Variants in SLC9A4 observed in about 807,000 individuals in gnomAD.
SLC9A4 encodes solute carrier family 9 member A4.
Under a neutral mutation model 67.4 loss-of-function variants are expected in SLC9A4, and 63 were observed. The ratio of observed to expected loss-of-function variants is 0.93; its 90% CI spans 0.76 to 1.15. The LOEUF is 1.15. Ranked by LOEUF, SLC9A4 falls within the 50% of genes most tolerant of loss-of-function variation. SLC9A4 has a pLI of 0.00. For synonymous variants in SLC9A4, 393 were observed against 367.2 expected (o/e 1.07, Z -0.80); for missense variants, 1,089 against 987.7 (o/e 1.10, Z -1.38).
At chr2:102,477,107 G>T (rs1684350288) in intron 1 of SLC9A4, among the ~76,000 whole-genome samples, 1 of 152,158 alleles carries the variant, frequency 6.6e-6, no homozygotes, top group African/African-American at 2.4e-5. Context: ...GCTCCCCATG[G>T]CCTATGGCTG....
At chr2:102,490,221 G>T (rs555046966) in intron 2 of SLC9A4, among the ~76,000 whole-genome samples, 1 of 152,298 alleles carries the variant, frequency 6.6e-6, no homozygotes, top group East Asian at 1.9e-4. Flanking sequence ...TATGCAAGGC[G>T]ATGAGGAAGA....
intron 1 of SLC9A4, among the ~76,000 whole-genome samples, chr2:102,478,099 A>G (rs1347787312): frequency 6.6e-6 from 1 of 152,196 alleles, no homozygotes; most frequent in East Asian, 1.9e-4. Context: ...GGGAATTGAG[A>G]CAATCAGAGA....
intron 3 of SLC9A4, among the ~76,000 whole-genome samples, chr2:102,504,547 T>A (rs1205906806): frequency 6.6e-6 from 1 of 152,258 alleles, no homozygotes; most frequent in Non-Finnish European, 1.5e-5. Flanking sequence ...TATCTTTGAA[T>A]GAGGCTTCTC....
In SLC9A4 at chr2:102,526,322, G is replaced by A; in HGVS notation, c.2014G>A (p.Asp672Asn). Residue 672 changes from aspartate (D) to asparagine (N), a missense_variant, in exon 11 of 12, where the codon GAC becomes AAC. Physicochemically the swap from Asp to Asn is conservative, Grantham distance 23. Transcript: ENST00000295269. ...CGGGAATCCTCAGTCTGCAGGAAGA[G>A]ACACAAGGGCTGCTGGGTTCTCAGG... ...PYGNPQSAGR[D>N]TRAAGFSDDD... is the part of the protein sequence containing the mutation. The A allele has an allele frequency of 6.2e-7, 1 of 1,613,870 alleles. No homozygotes were observed.
At chr2:102,505,575 G>T (rs2104434623) in intron 4 of SLC9A4, 104 bp downstream of exon 4, 1 of 1,129,716 alleles carries the variant, frequency 8.9e-7, no homozygotes, top group Non-Finnish European at 1.3e-6. Flanking sequence ...ATGCTAACTG[G>T]TTTTACCGGT....
chr2:102,477,594 C>T (rs759966761), intron 1 of SLC9A4, among the ~76,000 whole-genome samples: 9 of 152,036 alleles, frequency 5.9e-5, no homozygotes, highest in African/African-American at 7.3e-5. Context: ...TGTTATTAGA[C>T]GGAGTGAGAT....
intron 1 of SLC9A4, among the ~76,000 whole-genome samples, chr2:102,477,895 T>C (rs1439404617): frequency 6.6e-6 from 1 of 152,248 alleles, no homozygotes; most frequent in Non-Finnish European, 1.5e-5. Context: ...ATGTTCAATA[T>C]ACCCTTCATT....
chr2:102,519,789 C>G, intron 8 of SLC9A4, 70 bp from the exon 9 acceptor site: 2 of 1,442,126 alleles, frequency 1.4e-6, no homozygotes, highest in Non-Finnish European at 1.9e-6. Flanking sequence ...GCAAGGCCCA[C>G]TGATAGTTTT....
intron 4 of SLC9A4, among the ~76,000 whole-genome samples, chr2:102,506,254 C>T (rs749835951): frequency 7.9e-5 from 12 of 152,032 alleles, no homozygotes; most frequent in Non-Finnish European, 1.3e-4. Flanking sequence ...ATATGTGTTG[C>T]CTTTTGATTA....
chr2:102,492,206 C>T (rs1684717523), intron 2 of SLC9A4, among the ~76,000 whole-genome samples: 1 of 152,242 alleles, frequency 6.6e-6, no homozygotes, highest in Non-Finnish European at 1.5e-5. Flanking sequence ...GTCAGTGGAT[C>T]TGCCATTCTG....
intron 2 of SLC9A4, among the ~76,000 whole-genome samples, chr2:102,496,202 A>T (rs1684806575): frequency 6.6e-6 from 1 of 152,230 alleles, no homozygotes; most frequent in South Asian, 2.1e-4. Flanking sequence ...CTCAATTGAA[A>T]ATAAGAAAAA....
At chr2:102,505,796 G>A (rs985703232) in intron 4 of SLC9A4, 5 of 255,412 alleles carry the variant, frequency 2.0e-5, no homozygotes, top group Non-Finnish European at 3.0e-5. Flanking sequence ...TTTTTATTTG[G>A]AGTTGCACCA....
intron 11 of SLC9A4, among the ~76,000 whole-genome samples, chr2:102,529,373 A>C (rs1045184579): frequency 1.3e-5 from 2 of 152,228 alleles, no homozygotes; most frequent in Non-Finnish European, 2.9e-5. Flanking sequence ...AAAGATGGGA[A>C]ATCAGTGCTC....
intron 2 of SLC9A4, among the ~76,000 whole-genome samples, chr2:102,493,041 C>T (rs960093135): frequency 6.6e-6 from 1 of 152,220 alleles, no homozygotes; most frequent in African/African-American, 2.4e-5. Flanking sequence ...CCATCTGAGA[C>T]CACCTCAGAC....
At chr2:102,482,933 G>A (rs1684497476) in intron 2 of SLC9A4, among the ~76,000 whole-genome samples, 1 of 152,152 alleles carries the variant, frequency 6.6e-6, no homozygotes, top group African/African-American at 2.4e-5. Context: ...CTCCTTCCTC[G>A]AGCTTGAGAA....
intron 11 of SLC9A4, among the ~76,000 whole-genome samples, chr2:102,529,828 T>A (rs931417517): frequency 2.0e-5 from 3 of 152,174 alleles, no homozygotes; most frequent in African/African-American, 7.2e-5. Context: ...CTGGATGTCT[T>A]GGAGCTCCAT....
chr2:102,476,625 A>G (rs189001517), intron 1 of SLC9A4, among the ~76,000 whole-genome samples: 111 of 152,274 alleles, frequency 7.3e-4, no homozygotes, highest in Non-Finnish European at 1.4e-3. Context: ...TCCTTTACAT[A>G]TTGAAAAAAG....
intron 1 of SLC9A4, among the ~76,000 whole-genome samples, chr2:102,476,101 C>T (rs1166041386): frequency 1.3e-5 from 2 of 152,148 alleles, no homozygotes; most frequent in Admixed American, 6.5e-5. Flanking sequence ...GATACTCTGA[C>T]AGAAAAACAT....
chr2:102,506,582 C>T (rs990051027), intron 4 of SLC9A4, among the ~76,000 whole-genome samples: 1 of 152,166 alleles, frequency 6.6e-6, no homozygotes, highest in Non-Finnish European at 1.5e-5. Context: ...TACAAACTAG[C>T]TGTTTGATCT....
Sources: allele counts gnomAD v4.1 joint callset (sites outside exome capture counted in the v4.1 genomes callset), GRCh38; gene constraint gnomAD v4.1.1; transcripts MANE v1.5; gene names NCBI Gene and HGNC (gene_info 2026-07-23, HGNC 2026-07-21).